The following PSD3 variants were observed in gnomAD, a reference collection of about 807,000 sequenced individuals.
The protein encoded by PSD3 is pleckstrin and Sec7 domain containing 3, also known as PH and SEC7 domain-containing protein 3.
In PSD3, 49 loss-of-function variants were observed where a neutral mutation model predicts 105.5. That is an observed-to-expected ratio of 0.46 (90% CI 0.37 to 0.59). The LOEUF (loss-of-function observed/expected upper bound fraction) is 0.59. Ranked by LOEUF, PSD3 falls within the 20% of genes least tolerant of loss-of-function variation. PSD3 has a pLI of 0.00. For missense variants in PSD3, 1,561 were observed against 1,263.8 expected (o/e 1.24, Z -3.57); for synonymous variants, 557 against 457.8 (o/e 1.22, Z -2.77).
Position 18,804,829 on chromosome 8 carries a change from C to A in PSD3, c.1704G>T (p.Lys568Asn). Reference protein sequence around the residue: ...SEMGSTEILEKETPENLSNGT... With the variant: ...SEMGSTEILENETPENLSNGT... ...CATTACTGAGATTTTCTGGGGTCTC[C>A]TTTTCCAAAATTTCAGTGCTCCCCA... Residue 568 changes from lysine (K) to asparagine (N), a missense_variant, in exon 5 of 16, where the codon AAG becomes AAT. By Grantham distance (94) the Lys-to-Asn change is moderately conservative. Coordinates refer to ENST00000327040, the MANE Select transcript of PSD3 (RefSeq NM_015310.4). 1 of 1,613,882 alleles carries A rather than the reference C, an allele frequency of 6.2e-7. No individual in the cohort carries two copies. Among genetic ancestry groups the A allele is most frequent in the Non-Finnish European group, 8.5e-7 (1 of 1,179,838 alleles).
chr8:18,731,081 C>A (rs1041896221), intron 9 of PSD3, among the ~76,000 whole-genome samples: 1 of 151,310 alleles, frequency 6.6e-6, no homozygotes, highest in South Asian at 2.1e-4. Context: ...CATGGTAAAA[C>A]CCTGTCTCTA....
At chr8:18,826,089 G>C (rs759059765) in intron 4 of PSD3, among the ~76,000 whole-genome samples, 7 of 152,194 alleles carry the variant, frequency 4.6e-5, no homozygotes, top group Non-Finnish European at 8.8e-5. Context: ...GGTAGACAAA[G>C]TCTGAATTCA....
chr8:18,655,556 T>C (rs1374784137), intron 10 of PSD3, 86 bp downstream of exon 10: 19 of 1,275,574 alleles, frequency 1.5e-5, no homozygotes, highest in Non-Finnish European at 2.1e-5. Flanking sequence ...TATTTAATCC[T>C]TCTCTAAGAT....
chr8:18,819,575 A>ATTTTTTTTTT lies in PSD3; in HGVS notation c.1635-14687_1635-14678dup, dbSNP rs746931460. ...TTCAAATTCTTTAAAATTAGAATGGATTTTTTTTTTTTTTTTTTTTTGAGA... is the reference window on the plus strand; with the variant it reads ...TTCAAATTCTTTAAAATTAGAATGGATTTTTTTTTTTTTTTTTTTTTTTTTTTTTTTGAGA... On this transcript the variant is annotated intron_variant, in intron 4 of 15. Transcript: ENST00000327040. Among the ~76,000 whole-genome samples, 62 of 111,316 alleles carry ATTTTTTTTTT rather than the reference A, an allele frequency of 5.6e-4. 2 individuals carry two copies. The highest frequency in any genetic ancestry group is 6.7e-4 in the African/African-American group (19 of 28,278). 73.0% of individuals were successfully genotyped at this position (111,316 alleles called of 152,430 possible).
chr8:18,889,847 G>C (rs1177593685), intron 2 of PSD3, among the ~76,000 whole-genome samples: 1 of 152,098 alleles, frequency 6.6e-6, no homozygotes, highest in Non-Finnish European at 1.5e-5. Context: ...CTAATTATCA[G>C]GAACAAAATT....
intron 1 of PSD3, among the ~76,000 whole-genome samples, chr8:19,002,757 A>G (rs1190300154): frequency 2.0e-5 from 3 of 152,060 alleles, no homozygotes; most frequent in African/African-American, 7.2e-5. Context: ...GTTCAGACAC[A>G]ACATTCTTCC....
At chr8:18,643,440 C>T (rs148318214) in intron 10 of PSD3, among the ~76,000 whole-genome samples, 198 of 152,336 alleles carry the variant, frequency 1.3e-3, no homozygotes, top group Middle Eastern at 3.4e-3. Flanking sequence ...GAAGTCCAAA[C>T]TCTGACCTAA....
chr8:18,733,208 A>C (rs1435221447), intron 9 of PSD3: 3 of 152,198 alleles, frequency 2.0e-5, no homozygotes, highest in African/African-American at 7.2e-5. Context: ...GGTACCAGGT[A>C]AACAATATAT....
chr8:18,757,638 C>T (rs906739728), intron 9 of PSD3, among the ~76,000 whole-genome samples: 2 of 152,192 alleles, frequency 1.3e-5, no homozygotes, highest in Non-Finnish European at 2.9e-5. Flanking sequence ...TCCTTCAATA[C>T]TGTCACCACC....
chr8:18,719,525 C>T (rs1802816335), intron 9 of PSD3, among the ~76,000 whole-genome samples: 1 of 152,160 alleles, frequency 6.6e-6, no homozygotes, highest in African/African-American at 2.4e-5. Context: ...TGTATCAAAA[C>T]AGATACTATA....
intron 9 of PSD3, among the ~76,000 whole-genome samples, chr8:18,715,120 G>C (rs1345926897): frequency 2.6e-5 from 4 of 152,092 alleles, no homozygotes; most frequent in African/African-American, 9.7e-5. Flanking sequence ...ACACACACTG[G>C]GCCTTGTAGG....
chr8:18,578,284 C>T (rs972283153), intron 12 of PSD3, among the ~76,000 whole-genome samples: 1 of 152,078 alleles, frequency 6.6e-6, no homozygotes, highest in Non-Finnish European at 1.5e-5. Context: ...TAACCATTCA[C>T]TTGGGTTGAT....
At chr8:18,890,954 T>C (rs1818747726) in intron 2 of PSD3, among the ~76,000 whole-genome samples, 2 of 152,050 alleles carry the variant, frequency 1.3e-5, no homozygotes, top group Non-Finnish European at 2.9e-5. Context: ...TCTAAGAAAC[T>C]CTCTACCAGT....
Position 18,916,634 on chromosome 8 carries a change from G to A in PSD3, c.130+19400C>T, listed in dbSNP as rs188189380. ...AAATGGAACAAAATTTCAGTTAGAT[G>A]GAATGAATACATTCTAGAGATCTGT... On this transcript the variant is annotated intron_variant, in intron 2 of 15. Coordinates refer to ENST00000327040, the MANE Select transcript of PSD3 (RefSeq NM_015310.4). 1.4e-3 allele frequency among the ~76,000 whole-genome samples: 215 copies of A among 151,798 alleles called. 2 individuals are homozygous for A. The highest frequency in any genetic ancestry group is 2.1e-3 in the Non-Finnish European group (141 of 67,946).
rs190650157 is a variant in PSD3 at position 18,673,139 on chromosome 8, A to C, written c.2173-17454T>G. On this transcript the variant is annotated intron_variant, in intron 9 of 15. Coordinates refer to ENST00000327040, the MANE Select transcript of PSD3 (RefSeq NM_015310.4). Reference sequence around the variant, plus strand: ...TTTCTATTTTCAATATGATCTATTGACTTTCAACTGCAGAACTCTGGAAAG... The same window carrying C: ...TTTCTATTTTCAATATGATCTATTGCCTTTCAACTGCAGAACTCTGGAAAG... Among the ~76,000 whole-genome samples, 299 of 151,916 alleles carry C rather than the reference A, an allele frequency of 2.0e-3. 4 individuals carry two copies. Among genetic ancestry groups the C allele is most frequent in the Non-Finnish European group, 5.6e-4 (38 of 67,998 alleles).
intron 9 of PSD3, among the ~76,000 whole-genome samples, chr8:18,681,347 C>CTA (rs1342241130): frequency 6.6e-6 from 1 of 150,486 alleles, no homozygotes; most frequent in Non-Finnish European, 1.5e-5. Context: ...TAGCTCGTGC[C>CTA]TATCATCCCA....
chr8:18,771,446 A>T (rs1807521617), intron 8 of PSD3, among the ~76,000 whole-genome samples: 1 of 152,214 alleles, frequency 6.6e-6, no homozygotes, highest in African/African-American at 2.4e-5. Context: ...AACATCACAA[A>T]GATTTACTCC....
chr8:18,811,629 T>C (rs771748222), intron 4 of PSD3, among the ~76,000 whole-genome samples: 2 of 152,106 alleles, frequency 1.3e-5, no homozygotes, highest in Non-Finnish European at 2.9e-5. Context: ...AAGGCAACAT[T>C]TGAGCAAGAT....
At chr8:18,917,032 T>C (rs1187164204) in intron 2 of PSD3, among the ~76,000 whole-genome samples, 10 of 152,094 alleles carry the variant, frequency 6.6e-5, no homozygotes, top group Non-Finnish European at 1.3e-4. Flanking sequence ...ACGCAACATG[T>C]CCCAAAGTGT....
Sources: gnomAD v4.1 joint callset for allele counts (sites outside exome capture counted in the v4.1 genomes callset) on GRCh38, gnomAD v4.1.1 for gene constraint, MANE v1.5 for transcripts, NCBI Gene and HGNC (gene_info 2026-07-23, HGNC 2026-07-21) for gene names.